Variants in TMEM132D observed in about 807,000 individuals in gnomAD.
TMEM132D encodes the protein transmembrane protein 132D.
In TMEM132D, 21 loss-of-function variants were observed where a neutral mutation model predicts 62.3. That is an observed-to-expected ratio of 0.34 (90% confidence interval 0.24 to 0.49). TMEM132D has a LOEUF of 0.49. Among genes scored for constraint, TMEM132D ranks in the 20% least tolerant of loss-of-function variants. TMEM132D has a pLI of 0.99. For missense variants in TMEM132D, 1,346 were observed against 1,402.8 expected, an observed-to-expected ratio of 0.96 and a Z score of 0.65; for synonymous variants, 621 against 575.6, an observed-to-expected ratio of 1.08 and a Z score of -1.13.
chr12:129,132,311 T>A (rs1876403634), intron 5 of TMEM132D, among the ~76,000 whole-genome samples: 1 of 152,220 alleles, frequency 6.6e-6, no homozygotes, highest in Non-Finnish European at 1.5e-5. Flanking sequence ...AAGAATATGG[T>A]CCTTAGGCCT....
chr12:129,647,899 G>C (rs1879828548), intron 2 of TMEM132D, among the ~76,000 whole-genome samples: 1 of 152,088 alleles, frequency 6.6e-6, no homozygotes, highest in South Asian at 2.1e-4. Flanking sequence ...TAACCGATTT[G>C]CCTTTAACCT....
intron 1 of TMEM132D, among the ~76,000 whole-genome samples, chr12:129,722,515 T>C (rs888735497): frequency 6.6e-6 from 1 of 152,126 alleles, no homozygotes; most frequent in Non-Finnish European, 1.5e-5. Context: ...GTCCTCTGTC[T>C]CTGGATTGGG....
chr12:129,786,968 G>A (rs181429679), intron 1 of TMEM132D, among the ~76,000 whole-genome samples: 1 of 152,158 alleles, frequency 6.6e-6, no homozygotes, highest in Non-Finnish European at 1.5e-5. Context: ...GAGCTCCAGG[G>A]GCATCGGAAT....
intron 3 of TMEM132D, among the ~76,000 whole-genome samples, chr12:129,418,292 CA>C: frequency 6.6e-6 from 1 of 152,156 alleles, no homozygotes; most frequent in East Asian, 1.9e-4. Flanking sequence ...TTTACAATAG[CA>C]AAGACTTGGA....
chr12:129,808,398 A>G (rs1872064459), intron 1 of TMEM132D, among the ~76,000 whole-genome samples: 1 of 152,238 alleles, frequency 6.6e-6, no homozygotes, highest in Non-Finnish European at 1.5e-5. Context: ...CTGGGACAGA[A>G]TAAAAATAAA....
At chr12:129,202,691 CT>C (rs1473703933) in intron 5 of TMEM132D, among the ~76,000 whole-genome samples, 1 of 152,134 alleles carries the variant, frequency 6.6e-6, no homozygotes, top group Non-Finnish European at 1.5e-5. Context: ...CACATGGCCA[CT>C]CCTGGAGACT....
At chr12:129,548,776 T>C (rs1329134373) in intron 2 of TMEM132D, among the ~76,000 whole-genome samples, 1 of 152,224 alleles carries the variant, frequency 6.6e-6, no homozygotes, top group African/African-American at 2.4e-5. Context: ...TGTGTTGGAC[T>C]GGCCAAGAAG....
At chr12:129,273,766 G>A (rs565665187) in intron 4 of TMEM132D, among the ~76,000 whole-genome samples, 4 of 151,844 alleles carry the variant, frequency 2.6e-5, no homozygotes, top group East Asian at 1.9e-4. Flanking sequence ...GGGAATAGTC[G>A]AGTGGGGAGG....
intron 5 of TMEM132D, among the ~76,000 whole-genome samples, chr12:129,182,147 G>T (rs908034278): frequency 7.2e-5 from 11 of 151,978 alleles, no homozygotes; most frequent in African/African-American, 2.4e-4. Flanking sequence ...GGATCACCTG[G>T]GGTCAGGAGT....
chr12:129,329,997 T>C (rs1869052572), intron 4 of TMEM132D, among the ~76,000 whole-genome samples: 1 of 152,172 alleles, frequency 6.6e-6, no homozygotes, highest in African/African-American at 2.4e-5. Flanking sequence ...TCTAAAAATA[T>C]AAGTTTTGCC....
chr12:129,441,728 A>G (rs1239775368), intron 3 of TMEM132D, among the ~76,000 whole-genome samples: 1 of 152,192 alleles, frequency 6.6e-6, no homozygotes. Context: ...CAGCTACGGA[A>G]CCGACCCAGG....
intron 5 of TMEM132D, among the ~76,000 whole-genome samples, chr12:129,104,422 C>A (rs1875418788): frequency 6.6e-6 from 1 of 152,088 alleles, no homozygotes; most frequent in Non-Finnish European, 1.5e-5. Context: ...AATGTTAGAC[C>A]TAAAACCATA....
intron 4 of TMEM132D, among the ~76,000 whole-genome samples, chr12:129,237,726 C>G (rs1237238337): frequency 6.6e-6 from 1 of 152,118 alleles, no homozygotes; most frequent in Non-Finnish European, 1.5e-5. Context: ...TGCCTGTAAT[C>G]CCAGCACTTT....
chr12:129,614,944 A>G (rs1459590865), intron 2 of TMEM132D, among the ~76,000 whole-genome samples: 1 of 152,194 alleles, frequency 6.6e-6, no homozygotes, highest in African/African-American at 2.4e-5. Context: ...AACTGAATCA[A>G]TACATCTACC....
At chr12:129,166,067 A>G (rs961799711) in intron 5 of TMEM132D, among the ~76,000 whole-genome samples, 1 of 152,226 alleles carries the variant, frequency 6.6e-6, no homozygotes, top group Non-Finnish European at 1.5e-5. Flanking sequence ...GCGAGGTTAC[A>G]TAAGTTGCCC....
intron 5 of TMEM132D, among the ~76,000 whole-genome samples, chr12:129,163,463 A>T (rs1434136090): frequency 6.6e-6 from 1 of 152,036 alleles, no homozygotes; most frequent in African/African-American, 2.4e-5. Context: ...CTCTCTTCCC[A>T]CTAGATCTGG....
intron 1 of TMEM132D, among the ~76,000 whole-genome samples, chr12:129,747,353 A>T (rs892181476): frequency 6.6e-6 from 1 of 152,006 alleles, no homozygotes; most frequent in Non-Finnish European, 1.5e-5. Flanking sequence ...ACATTGCCCA[A>T]TTGGTAGTTT....
In TMEM132D at chr12:129,576,003, T is replaced by G. The variant is rs1232817564; in HGVS notation, c.969-44798A>C. ...TTTAGCCGGGATGGTCTCGATCTCC[T>G]GACCTCGTGATCCACCCGCCTCGGC... On this transcript the variant is annotated intron_variant, in intron 2 of 8. Coordinates refer to ENST00000422113, the MANE Select transcript of TMEM132D (RefSeq NM_133448.3). Among the ~76,000 whole-genome samples, 2 of 4,774 alleles carry G rather than the reference T, an allele frequency of 4.2e-4. 1 individual carries two copies. Among genetic ancestry groups the G allele is most frequent in the Non-Finnish European group, 1.1e-3 (2 of 1,888 alleles). 3.1% of individuals were successfully genotyped at this position (4,774 alleles called of 152,430 possible).
intron 2 of TMEM132D, among the ~76,000 whole-genome samples, chr12:129,666,781 T>C (rs977375111): frequency 5.9e-5 from 9 of 152,230 alleles, no homozygotes; most frequent in African/African-American, 2.2e-4. Flanking sequence ...GAGTTAACAT[T>C]GTAACATGAA....
Sources: gnomAD v4.1 joint callset for allele counts (sites outside exome capture counted in the v4.1 genomes callset) on GRCh38, gnomAD v4.1.1 for gene constraint, MANE v1.5 for transcripts, NCBI Gene and HGNC (gene_info 2026-07-23, HGNC 2026-07-21) for gene names.